CDK6: variants seen among roughly 807,000 people sequenced by gnomAD.
The protein encoded by CDK6 is cyclin-dependent kinase 6.
A neutral mutation model predicts 37.1 loss-of-function variants in CDK6; 6 were observed. The observed-to-expected ratio is 0.16, with a 90% CI of 0.09 to 0.32. The LOEUF is 0.32. CDK6 is among the 10% of genes least tolerant of loss of function. The probability of loss-of-function intolerance (pLI) is 1.00; values close to 1 mark genes in which losing one functional copy is unlikely to be tolerated. For synonymous variants in CDK6, 160 were observed against 161.3 expected (o/e 0.99, Z 0.06); for missense variants, 224 against 418.9 (o/e 0.53, Z 4.06).
intron 5 of CDK6, among the ~76,000 whole-genome samples, chr7:92,654,574 T>A (rs1347235937): frequency 6.6e-6 from 1 of 152,184 alleles, no homozygotes; most frequent in Non-Finnish European, 1.5e-5. Context: ...AATATCCCAT[T>A]CTTCTCACCT....
chr7:92,820,503 T>C (rs1348013955), intron 2 of CDK6, among the ~76,000 whole-genome samples: 1 of 152,040 alleles, frequency 6.6e-6, no homozygotes, highest in African/African-American at 2.4e-5. Flanking sequence ...AAGTAGCTGA[T>C]AGAAATTGTG....
At chr7:92,816,972 C>T (rs990846324) in intron 2 of CDK6, among the ~76,000 whole-genome samples, 2 of 151,702 alleles carry the variant, frequency 1.3e-5, no homozygotes, top group Non-Finnish European at 2.9e-5. Flanking sequence ...TAGACAAATC[C>T]CTTGAAAAAT....
At position 92,614,182 on chromosome 7, in the gene CDK6, TAACAACAACAAAC is replaced by T; in HGVS notation, c.*945_*957del. On this transcript the variant is annotated 3_prime_UTR_variant, in exon 8 of 8. Transcript: ENST00000424848. The stretch of plus-strand genomic sequence containing the variant: ...CAAATTCCTAAAAACAAAAACAAAA[TAACAACAACAAAC>T]AACAATAACAACAACAAAAAAAGGG... The T allele has an allele frequency of 4.3e-6, 1 of 231,998 alleles. No homozygotes were observed. Among genetic ancestry groups the T allele is most frequent in the East Asian group, 6.1e-5 (1 of 16,500 alleles). The allele number at this position is 231,998 out of a possible 1,614,324, so 14.4% of individuals were successfully genotyped here. A position where few individuals can be genotyped will look rare whatever the true frequency, so the allele number is the denominator to read the frequency against.
chr7:92,776,519 C>T (rs565207863), intron 2 of CDK6, among the ~76,000 whole-genome samples: 1 of 152,338 alleles, frequency 6.6e-6, no homozygotes, highest in South Asian at 2.1e-4. Flanking sequence ...AATTTACACT[C>T]CCACCAACAG....
Position 92,695,847 on chromosome 7 carries a change from G to GCT in CDK6, c.538-24314_538-24313dup, listed in dbSNP as rs550403654. Among the ~76,000 whole-genome samples, 178 of 152,290 alleles carry GCT rather than the reference G, an allele frequency of 1.2e-3. 1 individual carries two copies. The highest frequency in any genetic ancestry group is 4.0e-3 in the African/African-American group (168 of 41,554). ...GACCTTCGCCTCTGTTTTCAAAGCAGCTCTCACGTTAACCCCTTGGATTCT... is the reference window on the plus strand; with the variant it reads ...GACCTTCGCCTCTGTTTTCAAAGCAGCTCTCTCACGTTAACCCCTTGGATTCT... On this transcript the variant is annotated intron_variant, in intron 4 of 7. Transcript: ENST00000424848.
intron 5 of CDK6, among the ~76,000 whole-genome samples, chr7:92,635,677 T>C (rs1796153548): frequency 6.6e-6 from 1 of 152,234 alleles, no homozygotes; most frequent in Non-Finnish European, 1.5e-5. Flanking sequence ...TCCTGTGGTT[T>C]CTTTTCCTTG....
intron 2 of CDK6, among the ~76,000 whole-genome samples, chr7:92,815,832 G>T (rs1301185752): frequency 6.6e-6 from 1 of 152,106 alleles, no homozygotes; most frequent in Non-Finnish European, 1.5e-5. Flanking sequence ...GTCAAGAAAG[G>T]TCAGCTTCTG....
chr7:92,798,303 A>G (rs1341722010), intron 2 of CDK6, among the ~76,000 whole-genome samples: 1 of 152,230 alleles, frequency 6.6e-6, no homozygotes, highest in African/African-American at 2.4e-5. Context: ...AAGATAATGG[A>G]AAAAAACTGT....
intron 5 of CDK6, among the ~76,000 whole-genome samples, chr7:92,645,753 A>G (rs1356865624): frequency 6.6e-6 from 1 of 152,120 alleles, no homozygotes; most frequent in Non-Finnish European, 1.5e-5. Context: ...CTTCCCTTTC[A>G]TCTTTGGCAA....
At chr7:92,661,722 T>A (rs555258594) in intron 5 of CDK6, among the ~76,000 whole-genome samples, 2 of 151,708 alleles carry the variant, frequency 1.3e-5, no homozygotes, top group African/African-American at 4.8e-5. Context: ...GGTGGCAGAG[T>A]TGGAAGAGCT....
chr7:92,605,515 C>T lies in CDK6; in HGVS notation c.*9625G>A, dbSNP rs1166402110. On this transcript the variant is annotated 3_prime_UTR_variant, in exon 8 of 8. Transcript: ENST00000424848. Reference sequence around the variant, plus strand: ...TCCTTGAATGACATATTTTACGTTACATATTTACCCTACTTTTCTATTCTC... The same window carrying T: ...TCCTTGAATGACATATTTTACGTTATATATTTACCCTACTTTTCTATTCTC... 1 of 232,934 alleles carries T rather than the reference C, an allele frequency of 4.3e-6. No individual in the cohort carries two copies. The highest frequency in any genetic ancestry group is 2.2e-5 in the African/African-American group (1 of 45,336). The allele number at this position is 232,934 out of a possible 1,614,324, so 14.4% of individuals were successfully genotyped here.
chr7:92,648,084 C>CGT (rs374737056), intron 5 of CDK6, among the ~76,000 whole-genome samples: 5 of 151,574 alleles, frequency 3.3e-5, no homozygotes, highest in East Asian at 1.9e-4. Context: ...TAACACAACC[C>CGT]GTGTGTGTGT....
At chr7:92,625,494 T>C (rs1009487523) in intron 5 of CDK6, among the ~76,000 whole-genome samples, 3 of 151,616 alleles carry the variant, frequency 2.0e-5, no homozygotes, top group Non-Finnish European at 4.4e-5. Context: ...GATTAATTAA[T>C]TCTGAATTGG....
rs548172188 is a variant in CDK6 at position 92,727,429 on chromosome 7, C to T, written c.370-1636G>A. 8.5e-5 allele frequency among the ~76,000 whole-genome samples: 13 copies of T among 152,226 alleles called. No homozygotes were observed. The East Asian group carries it at 1.7e-3, about 20-fold the overall frequency. The stretch of plus-strand genomic sequence containing the variant: ...GTTCAAAACCAAAGCCTTAGTTTTT[C>T]CTTTTATAAAGTGGAGAAAGTAGCG... On this transcript the variant is annotated intron_variant, in intron 3 of 7. Transcript: ENST00000424848.
At chr7:92,710,194 T>C (rs1416326615) in intron 4 of CDK6, among the ~76,000 whole-genome samples, 1 of 152,224 alleles carries the variant, frequency 6.6e-6, no homozygotes, top group Non-Finnish European at 1.5e-5. Context: ...AATATGCTTA[T>C]CTACAGACTG....
At chr7:92,647,604 A>G (rs1215071186) in intron 5 of CDK6, among the ~76,000 whole-genome samples, 1 of 152,260 alleles carries the variant, frequency 6.6e-6, no homozygotes, top group Admixed American at 6.5e-5. Flanking sequence ...TCTTTATTGA[A>G]TGCTGACTAT....
chr7:92,672,160 T>TATACACACACACAC (rs1210519115), intron 4 of CDK6, among the ~76,000 whole-genome samples: 1 of 79,092 alleles, frequency 1.3e-5, no homozygotes, highest in Non-Finnish European at 2.4e-5. Context: ...TATATATATA[T>TATACACACACACAC]ACACATACAC....
intron 4 of CDK6, among the ~76,000 whole-genome samples, chr7:92,712,919 G>C (rs1562943910): frequency 6.6e-6 from 1 of 151,980 alleles, no homozygotes; most frequent in Non-Finnish European, 1.5e-5. Flanking sequence ...TGTTGCCCAG[G>C]CTGGAGTGAT....
chr7:92,639,395 A>T lies in CDK6; in HGVS notation c.648-16309T>A, dbSNP rs545837190. On this transcript the variant is annotated intron_variant, in intron 5 of 7. Transcript: ENST00000424848. ...TCTTTTGCATATTAGTGGTCTGAGG[A>T]GCATGTTAGGAGACTGACAAAAATA... 5.9e-5 allele frequency among the ~76,000 whole-genome samples: 9 copies of T among 152,312 alleles called. No individual in the cohort carries two copies. In the South Asian group the frequency reaches 1.7e-3, roughly 28 times the overall value.
Sources: allele counts gnomAD v4.1 joint callset (sites outside exome capture counted in the v4.1 genomes callset), GRCh38; gene constraint gnomAD v4.1.1; transcripts MANE v1.5; gene names NCBI Gene and HGNC (gene_info 2026-07-23, HGNC 2026-07-21).